Variants in GANC observed in about 807,000 individuals in gnomAD.
GANC encodes neutral alpha-glucosidase C.
A neutral mutation model predicts 124.2 loss-of-function variants in GANC; 117 were observed. The observed-to-expected ratio is 0.94, with a 90% confidence interval of 0.81 to 1.10. The LOEUF (loss-of-function observed/expected upper bound fraction) is 1.10, where lower values mean the gene tolerates loss of function less well. Ranked by LOEUF, GANC falls within the 50% of genes least tolerant of loss-of-function variation. The pLI is 0.00. For synonymous variants in GANC, 377 were observed against 376.8 expected (o/e 1.00, Z -0.01); for missense variants, 1,140 against 1,095.0 (o/e 1.04, Z -0.58).
At chr15:42,325,251 C>T (rs1366857624) in intron 11 of GANC, among the ~76,000 whole-genome samples, 1 of 151,478 alleles carries the variant, frequency 6.6e-6, no homozygotes, top group Non-Finnish European at 1.5e-5. Flanking sequence ...CCAGCCTGGG[C>T]GACAGAGCGA....
intron 20 of GANC, among the ~76,000 whole-genome samples, chr15:42,346,366 G>A (rs1420187005): frequency 6.6e-6 from 1 of 152,180 alleles, no homozygotes; most frequent in African/African-American, 2.4e-5. Context: ...GGGTTAAGGA[G>A]TCATGGGGAA....
rs771948911 is a variant in GANC, at chr15:42,338,462, C to G, written c.1815C>G (p.Leu605=). ...TTTCTATCCCAATGTTACTCACTCT[C>G]AGCATTACTGGGATCTCTTTTTGCG... The part of the protein sequence containing the change: ...LKISIPMLLT[L]SITGISFCGA... Residue 605 remains leucine (L), a synonymous_variant, in exon 16 of 24, where the codon CTC becomes CTG. Transcript: ENST00000318010. The G allele has an allele frequency of 6.2e-7, 1 of 1,613,776 alleles. No homozygotes were observed. Among genetic ancestry groups the G allele is most frequent in the South Asian group, 1.1e-5 (1 of 91,062 alleles).
At position 42,308,333 on chromosome 15, in the gene GANC, G is replaced by T; in HGVS notation, c.722+15G>T. The T allele has an allele frequency of 6.6e-7, 1 of 1,509,420 alleles. No individual in the cohort carries two copies. The highest frequency in any genetic ancestry group is 9.2e-7 in the Non-Finnish European group (1 of 1,086,892). The allele number at this position is 1,509,420 out of a possible 1,614,324, so 93.5% of individuals were successfully genotyped here. On this transcript the variant is annotated intron_variant, in intron 8 of 23. Coordinates refer to ENST00000318010, the MANE Select transcript of GANC (RefSeq NM_198141.3). Reference sequence around the variant, plus strand: ...AAAAATACTGGGTAAGTGAAAACAAGAATTCTTATGGGAGTCTCTGGTTTT... The same window carrying T: ...AAAAATACTGGGTAAGTGAAAACAATAATTCTTATGGGAGTCTCTGGTTTT...
chr15:42,334,666 C>T (rs770253544), intron 15 of GANC, among the ~76,000 whole-genome samples: 3 of 151,730 alleles, frequency 2.0e-5, no homozygotes, highest in Non-Finnish European at 4.4e-5. Flanking sequence ...ACAGATATAT[C>T]TGCCAAAATA....
At chr15:42,321,266 T>C (rs1430250086) in intron 10 of GANC, among the ~76,000 whole-genome samples, 1 of 152,150 alleles carries the variant, frequency 6.6e-6, no homozygotes, top group Admixed American at 6.5e-5. Context: ...CTAACCTCAA[T>C]TACAGGGCCC....
At chr15:42,316,868 C>G (rs1318389968) in intron 10 of GANC, among the ~76,000 whole-genome samples, 1 of 152,240 alleles carries the variant, frequency 6.6e-6, no homozygotes, top group African/African-American at 2.4e-5. Context: ...GGGCTCACCT[C>G]TTGCCTTCTA....
intron 6 of GANC, among the ~76,000 whole-genome samples, chr15:42,304,962 A>G (rs2051979031): frequency 6.6e-6 from 1 of 152,254 alleles, no homozygotes; most frequent in Non-Finnish European, 1.5e-5. Context: ...AATTAACTCA[A>G]GATGAATTAA....
chr15:42,351,908 T>G, intron 23 of GANC, 122 bp from the exon 24 acceptor site: 1 of 1,230,642 alleles, frequency 8.1e-7, no homozygotes, highest in Non-Finnish European at 1.1e-6. Context: ...AAAAGTGCTA[T>G]TAATTTGGAG....
rs926955432 is a variant in GANC, at chr15:42,314,471, T to G, written c.1057+3625T>G. On this transcript the variant is annotated intron_variant, in intron 10 of 23. Transcript: ENST00000318010. ...GACACAGCTAACTCAGGAGCTGTTA[T>G]GGTCCTTGGGTGGCTGTTTCACTTG... 9.8e-6 allele frequency: 3 copies of G among 307,360 alleles called. No homozygotes were observed. In the East Asian group the frequency reaches 2.6e-4, roughly 27 times the overall value. 19.0% of individuals were successfully genotyped at this position (307,360 alleles called of 1,614,324 possible).
Position 42,330,629 on chromosome 15 carries a change from C to T in GANC, c.1698C>T (p.Pro566=). Residue 566 remains proline, a synonymous_variant, in exon 15 of 24, where the codon CCC becomes CCT. Transcript: ENST00000318010. The part of the protein sequence containing the change: ...LIKRSKGKER[P]FVLTRSFFAG... ...AACGATCTAAAGGGAAGGAGAGACC[C>T]TTTGTTCTTACACGTTCTTTCTTTG... 3 of 1,611,364 alleles carry T rather than the reference C, an allele frequency of 1.9e-6. No homozygotes were observed. The highest frequency in any genetic ancestry group is 2.5e-6 in the Non-Finnish European group (3 of 1,179,254).
chr15:42,336,166 T>G (rs566548428), intron 15 of GANC, among the ~76,000 whole-genome samples: 1 of 145,688 alleles, frequency 6.9e-6, no homozygotes, highest in South Asian at 2.1e-4. Flanking sequence ...AAAAAGAGCC[T>G]GAATAACCAA....
intron 10 of GANC, among the ~76,000 whole-genome samples, chr15:42,311,265 C>A (rs1299291367): frequency 1.3e-5 from 2 of 152,126 alleles, no homozygotes; most frequent in Admixed American, 6.5e-5. Context: ...ATTTTCACCA[C>A]TATTATTCAA....
At chr15:42,333,023 A>AAAATATAT (rs1555415200) in intron 15 of GANC, among the ~76,000 whole-genome samples, 1 of 140,412 alleles carries the variant, frequency 7.1e-6, no homozygotes, top group African/African-American at 2.7e-5. Flanking sequence ...TGTCTCAAAA[A>AAAATATAT]ATATATATAT....
At chr15:42,291,469 A>C (rs963566570) in intron 4 of GANC, among the ~76,000 whole-genome samples, 1 of 152,178 alleles carries the variant, frequency 6.6e-6, no homozygotes, top group Non-Finnish European at 1.5e-5. Context: ...GTTTCATGCA[A>C]CCAGCTCATC....
intron 16 of GANC, among the ~76,000 whole-genome samples, chr15:42,339,305 AACACACACAC>A (rs60116980): frequency 0.028 from 3,296 of 119,230 alleles, 102 homozygotes; most frequent in African/African-American, 0.073. Context: ...ACCCCCCTCC[AACACACACAC>A]ACACACACAC....
chr15:42,327,198 C>A (rs1191319118), intron 12 of GANC, among the ~76,000 whole-genome samples, 165 bp from the exon 13 acceptor site: 1 of 152,226 alleles, frequency 6.6e-6, no homozygotes, highest in Non-Finnish European at 1.5e-5. Context: ...TGGAGCCCAG[C>A]ATTACCTTCC....
Position 42,287,814 on chromosome 15 carries a change from G to GT in GANC, c.326dup (p.Arg110LysfsTer37), listed in dbSNP as rs1477313825. 2.5e-6 allele frequency: 4 copies of GT among 1,610,370 alleles called. No individual in the cohort carries two copies. The African/African-American group carries it at 5.4e-5, about 22-fold the overall frequency. On this transcript the variant is annotated frameshift_variant, in exon 4 of 24. Coordinates refer to ENST00000318010, the MANE Select transcript of GANC (RefSeq NM_198141.3). LOFTEE classifies it high-confidence loss of function. ...TGTCCTCACAAGCAAGCCAAGCACT[G>GT]TAAGGTAAGCCAAGGAGCGAGGTAT...
intron 22 of GANC, among the ~76,000 whole-genome samples, chr15:42,350,398 C>T (rs548744614): frequency 6.6e-6 from 1 of 152,148 alleles, no homozygotes; most frequent in Non-Finnish European, 1.5e-5. Context: ...TTCATCCATT[C>T]ACCAGCTCAC....
Position 42,310,319 on chromosome 15 carries a change from C to G in GANC, c.759C>G (p.Val253=). Residue 253 remains valine, a synonymous_variant, in exon 9 of 24, where the codon GTC becomes GTG. Transcript: ENST00000318010. ...GDAYRLYNLD[V]YGYQIYDKMG... ...CTTACCGTCTTTATAACCTGGATGT[C>G]TATGGATACCAAATATATGATAAAA... The G allele has an allele frequency of 6.2e-7, 1 of 1,611,852 alleles. No homozygotes were observed. Among genetic ancestry groups the G allele is most frequent in the South Asian group, 1.1e-5 (1 of 90,830 alleles).
Sources: gnomAD v4.1 joint callset for allele counts (sites outside exome capture counted in the v4.1 genomes callset) on GRCh38, gnomAD v4.1.1 for gene constraint, MANE v1.5 for transcripts, NCBI Gene and HGNC (gene_info 2026-07-23, HGNC 2026-07-21) for gene names.